MACROD2: variants seen among roughly 807,000 people sequenced by gnomAD.
MACROD2 encodes the protein mono-ADP ribosylhydrolase 2, also known as ADP-ribose glycohydrolase MACROD2.
Under a neutral mutation model 70.4 loss-of-function variants are expected in MACROD2, and 36 were observed. The ratio of observed to expected loss-of-function variants is 0.51; its 90% CI spans 0.39 to 0.68. The LOEUF is 0.68. Ranked by LOEUF, MACROD2 falls within the 30% of genes least tolerant of loss-of-function variation. The pLI, the probability that MACROD2 is intolerant of heterozygous loss-of-function variation, is 0.00. For synonymous variants in MACROD2, 172 were observed against 178.8 expected (o/e 0.96, Z 0.30); for missense variants, 496 against 538.4 (o/e 0.92, Z 0.78).
intron 8 of MACROD2, among the ~76,000 whole-genome samples, chr20:15,674,374 G>T (rs1202688558): frequency 1.3e-5 from 2 of 152,066 alleles, no homozygotes; most frequent in African/African-American, 4.8e-5. Flanking sequence ...GAGGTGAGGG[G>T]AGGCAGTGCG....
chr20:14,797,816 C>A (rs2122128888), intron 5 of MACROD2, among the ~76,000 whole-genome samples: 1 of 152,120 alleles, frequency 6.6e-6, no homozygotes, highest in East Asian at 1.9e-4. Flanking sequence ...TTTGTATTCC[C>A]AGTGCGTATT....
chr20:14,097,194 T>G (rs948308984), intron 3 of MACROD2, among the ~76,000 whole-genome samples: 2 of 152,200 alleles, frequency 1.3e-5, no homozygotes, highest in Non-Finnish European at 2.9e-5. Context: ...TTACAGTGAC[T>G]AGGTCCTTGT....
At chr20:15,777,494 TTTCCTTCCTTCCTTCTTTCCTTCCTTCC>T (rs1219924040) in intron 8 of MACROD2, among the ~76,000 whole-genome samples, 1,817 of 140,776 alleles carry the variant, frequency 0.013, 84 homozygotes, top group African/African-American at 0.033. Flanking sequence ...GATTCTTTTT[TTTCCTTCCTTCCTTCTTTCCTTCCTTCC>T]TTCCTTCCTT....
intron 5 of MACROD2, among the ~76,000 whole-genome samples, chr20:14,898,274 T>G (rs2073854041): frequency 6.6e-6 from 1 of 152,148 alleles, no homozygotes; most frequent in South Asian, 2.1e-4. Context: ...TCAGAAAATT[T>G]AGGATAATAA....
At chr20:14,411,579 T>G (rs2083749586) in intron 3 of MACROD2, among the ~76,000 whole-genome samples, 1 of 152,116 alleles carries the variant, frequency 6.6e-6, no homozygotes, top group Non-Finnish European at 1.5e-5. Flanking sequence ...TCTAAGATAC[T>G]AAATACTATC....
At chr20:14,270,472 C>T (rs771051726) in intron 3 of MACROD2, among the ~76,000 whole-genome samples, 2 of 151,812 alleles carry the variant, frequency 1.3e-5, no homozygotes, top group African/African-American at 4.8e-5. Flanking sequence ...GCCTGTAGTC[C>T]GAGCTCCCTG....
intron 3 of MACROD2, among the ~76,000 whole-genome samples, chr20:14,285,381 A>G (rs556377999): frequency 6.6e-6 from 1 of 152,294 alleles, no homozygotes; most frequent in Non-Finnish European, 1.5e-5. Context: ...CGAATTTTCC[A>G]CTTGTGATGT....
chr20:14,553,864 C>T (rs1156234468), intron 4 of MACROD2, among the ~76,000 whole-genome samples: 1 of 152,132 alleles, frequency 6.6e-6, no homozygotes, highest in Non-Finnish European at 1.5e-5. Flanking sequence ...ACACTTATTT[C>T]CTTCCATGGT....
chr20:14,026,048 T>G (rs1269711341), intron 2 of MACROD2, among the ~76,000 whole-genome samples: 1 of 152,188 alleles, frequency 6.6e-6, no homozygotes, highest in Non-Finnish European at 1.5e-5. Context: ...TTCATATATA[T>G]TTAGCATAGT....
At chr20:16,021,733 G>C (rs970714470) in intron 15 of MACROD2, among the ~76,000 whole-genome samples, 1 of 152,130 alleles carries the variant, frequency 6.6e-6, no homozygotes. Context: ...ATCGCAATGA[G>C]GTTAAATAAC....
chr20:15,937,860 C>T (rs938226570), intron 12 of MACROD2, among the ~76,000 whole-genome samples: 1 of 151,166 alleles, frequency 6.6e-6, no homozygotes, highest in Non-Finnish European at 1.5e-5. Flanking sequence ...TTTAAAACAC[C>T]AGAATTAATC....
chr20:14,770,800 T>C lies in MACROD2; in HGVS notation c.418+85841T>C, dbSNP rs138342180. On this transcript the variant is annotated intron_variant, in intron 5 of 17. Coordinates refer to ENST00000684519, the MANE Select transcript of MACROD2 (RefSeq NM_001351661.2). ...AAGCCCACAGGAGCTAAGTCTTTAT[T>C]GGAAGTTGTAAAACCTGTGGTAGAT... Among the ~76,000 whole-genome samples, 410 of 152,214 alleles carry C rather than the reference T, an allele frequency of 2.7e-3. 4 individuals are homozygous for C. The highest frequency in any genetic ancestry group is 9.2e-3 in the African/African-American group (382 of 41,496).
At chr20:15,540,264 T>A (rs902278226) in intron 8 of MACROD2, among the ~76,000 whole-genome samples, 5 of 152,138 alleles carry the variant, frequency 3.3e-5, no homozygotes, top group African/African-American at 1.2e-4. Context: ...TAAATGTCAA[T>A]CTACAGAGTT....
At chr20:14,865,978 G>GT (rs2073423743) in intron 5 of MACROD2, among the ~76,000 whole-genome samples, 1 of 152,232 alleles carries the variant, frequency 6.6e-6, no homozygotes, top group Admixed American at 6.5e-5. Context: ...CTCTGTTAGA[G>GT]TATGTATAGA....
chr20:14,710,493 G>A (rs907308814), intron 5 of MACROD2, among the ~76,000 whole-genome samples: 5 of 152,224 alleles, frequency 3.3e-5, no homozygotes, highest in Non-Finnish European at 7.3e-5. Context: ...CGATGAGCAT[G>A]GAACTTGTTA....
intron 6 of MACROD2, among the ~76,000 whole-genome samples, chr20:15,386,313 T>C (rs2045712399): frequency 6.6e-6 from 1 of 152,218 alleles, no homozygotes; most frequent in South Asian, 2.1e-4. Flanking sequence ...TTTTCGTCTA[T>C]ATTCATACGT....
intron 6 of MACROD2, among the ~76,000 whole-genome samples, chr20:15,387,080 A>C (rs1040889580): frequency 6.6e-6 from 1 of 152,214 alleles, no homozygotes; most frequent in African/African-American, 2.4e-5. Context: ...TTCCCTAACT[A>C]ATCAAAATTC....
intron 5 of MACROD2, among the ~76,000 whole-genome samples, chr20:14,873,012 A>T (rs978976719): frequency 4.6e-5 from 7 of 151,996 alleles, no homozygotes; most frequent in African/African-American, 1.4e-4. Flanking sequence ...ACTGCCCCCA[A>T]GATTCAGTTA....
intron 5 of MACROD2, among the ~76,000 whole-genome samples, chr20:14,817,155 T>C (rs1376139387): frequency 6.6e-6 from 1 of 152,148 alleles, no homozygotes; most frequent in Non-Finnish European, 1.5e-5. Flanking sequence ...GTGGGAGTGC[T>C]AATTAATGTT....
Sources: gnomAD v4.1 joint callset for allele counts (sites outside exome capture counted in the v4.1 genomes callset) on GRCh38, gnomAD v4.1.1 for gene constraint, MANE v1.5 for transcripts, NCBI Gene and HGNC (gene_info 2026-07-23, HGNC 2026-07-21) for gene names.